Variants in JADE3 observed in about 807,000 individuals in gnomAD.
JADE3 encodes protein Jade-3.
Under a neutral mutation model 50.1 loss-of-function variants are expected in JADE3, and 2 were observed. That is an observed-to-expected ratio of 0.04 (90% confidence interval 0.02 to 0.13). JADE3 has a LOEUF of 0.13. JADE3 is among the 10% of genes least tolerant of loss of function. The pLI, the probability that JADE3 is intolerant of heterozygous loss-of-function variation, is 1.00. For missense variants in JADE3, 475 were observed against 634.4 expected, an observed-to-expected ratio of 0.75 and a Z score of 2.70; for synonymous variants, 218 against 232.9, an observed-to-expected ratio of 0.94 and a Z score of 0.58.
chrX:47,023,028 A>T (rs1014783464), intron 4 of JADE3, among the ~76,000 whole-genome samples: 1 of 111,552 alleles, frequency 9.0e-6, no homozygotes, highest in African/African-American at 3.3e-5. Flanking sequence ...GACGTTATTG[A>T]GCATCTATTT....
At chrX:46,977,162 C>A (rs1453339888) in intron 1 of JADE3, among the ~76,000 whole-genome samples, 1 of 111,695 alleles carries the variant, frequency 9.0e-6, no homozygotes, top group Non-Finnish European at 1.9e-5. Flanking sequence ...GAGTTGGAGA[C>A]CAGCCTGGCC....
At position 46,997,552 on chromosome X, in the gene JADE3, A is replaced by G. The variant is rs73480256; in HGVS notation, c.127-568A>G. 6.6e-3 allele frequency among the ~76,000 whole-genome samples: 734 copies of G among 111,587 alleles called. 9 individuals are homozygous for G. Among genetic ancestry groups the G allele is most frequent in the African/African-American group, 0.022 (670 of 30,704 alleles). On this transcript the variant is annotated intron_variant, in intron 3 of 10. Coordinates refer to ENST00000614628, the MANE Select transcript of JADE3 (RefSeq NM_014735.5). ...AAATTAAATTCTGGAACAGAAAGAC[A>G]TTAGGGAGAAAAATAGTGAAAATTT...
At chrX:47,017,243 A>G (rs1408656061) in intron 4 of JADE3, among the ~76,000 whole-genome samples, 3 of 111,819 alleles carry the variant, frequency 2.7e-5, no homozygotes, top group African/African-American at 9.8e-5. Context: ...TGTAAGTTAT[A>G]GCTGCTTAGG....
rs900194811 is a variant in JADE3, at chrX:47,032,860, A to G, written c.688-761A>G. On this transcript the variant is annotated intron_variant, in intron 6 of 10. Coordinates refer to ENST00000614628, the MANE Select transcript of JADE3 (RefSeq NM_014735.5). ...GGCAGACAGAAATTTTGAAGCTGCC[A>G]TATTGAATCAGTTAGTCTCTAATAG... 4.5e-5 allele frequency among the ~76,000 whole-genome samples: 5 copies of G among 111,582 alleles called. No homozygotes were observed. In the East Asian group the frequency reaches 1.4e-3, roughly 31 times the overall value.
intron 1 of JADE3, among the ~76,000 whole-genome samples, chrX:46,933,668 C>T (rs1264594139): frequency 1.8e-5 from 2 of 111,127 alleles, no homozygotes; most frequent in Non-Finnish European, 1.9e-5. Flanking sequence ...TTTTAAAATA[C>T]CAGGGAGGAT....
chrX:47,006,707 T>G (rs1284597335), intron 4 of JADE3, among the ~76,000 whole-genome samples: 1 of 110,384 alleles, frequency 9.1e-6, no homozygotes, highest in Non-Finnish European at 1.9e-5. Context: ...TGTTGAGAAC[T>G]TAATTTATTG....
chrX:47,024,123 T>C (rs1477608339), intron 4 of JADE3, among the ~76,000 whole-genome samples: 3 of 112,079 alleles, frequency 2.7e-5, no homozygotes, highest in Admixed American at 9.4e-5. Flanking sequence ...CCTCCCAGGT[T>C]GGTTTCCTCT....
Position 47,054,212 on chromosome X carries a change from G to A in JADE3, c.1027G>A (p.Gly343Ser), listed in dbSNP as rs1556372844. 8.3e-6 allele frequency: 10 copies of A among 1,207,293 alleles called. No individual in the cohort carries two copies. The highest frequency in any genetic ancestry group is 1.8e-5 in the African/African-American group (1 of 56,545). Reference sequence around the variant, plus strand: ...CCACGTCACCTGTGCCTTTGAGCACGGCCTAGAGATGAAGACCATCCTAGA... The same window carrying A: ...CCACGTCACCTGTGCCTTTGAGCACAGCCTAGAGATGAAGACCATCCTAGA... ...AFHVTCAFEH[G>S]LEMKTILDEG... is the part of the protein sequence containing the mutation. Residue 343 changes from glycine (G) to serine (S), a missense_variant, in exon 9 of 11, where the codon GGC (glycine) becomes AGC (serine). Coordinates refer to ENST00000614628, the MANE Select transcript of JADE3 (RefSeq NM_014735.5).
intron 4 of JADE3, among the ~76,000 whole-genome samples, chrX:47,020,627 T>C (rs1556364172): frequency 4.4e-5 from 5 of 112,369 alleles, no homozygotes; most frequent in Non-Finnish European, 7.5e-5. Context: ...TTTATTGTCA[T>C]GGTCTTGGTC....
chrX:46,945,372 AAT>A (rs1476341506), intron 1 of JADE3, among the ~76,000 whole-genome samples: 16 of 110,983 alleles, frequency 1.4e-4, no homozygotes, highest in African/African-American at 5.2e-4. Context: ...TATAGCACCT[AAT>A]GTCCCTTCTC....
intron 1 of JADE3, among the ~76,000 whole-genome samples, chrX:46,947,065 G>T (rs1257527547): frequency 9.0e-6 from 1 of 111,255 alleles, no homozygotes; most frequent in Non-Finnish European, 1.9e-5. Context: ...TGTCACCCAG[G>T]CTGGAGTGCA....
chrX:46,971,794 TAA>T (rs782105404), intron 1 of JADE3, among the ~76,000 whole-genome samples: 20 of 85,446 alleles, frequency 2.3e-4, no homozygotes, highest in Admixed American at 3.9e-4. Flanking sequence ...AGACTCCGTC[TAA>T]AAAAAAAAAA....
intron 1 of JADE3, among the ~76,000 whole-genome samples, chrX:46,917,884 T>TCA (rs1926139801): frequency 1.1e-5 from 1 of 88,531 alleles, no homozygotes; most frequent in South Asian, 5.9e-4. Flanking sequence ...TCTCTCTCTC[T>TCA]CATCCTCTCT....
rs375735683 is a variant in JADE3 at position 46,988,286 on chromosome X, C to T, written c.126+2494C>T. On this transcript the variant is annotated intron_variant, in intron 3 of 10. Coordinates refer to ENST00000614628, the MANE Select transcript of JADE3 (RefSeq NM_014735.5). Reference sequence around the variant, plus strand: ...GTCGGGGAAGTAATATACTCTTGTTCTATTCCTCCAGTAACACTATAAAGT... The same window carrying T: ...GTCGGGGAAGTAATATACTCTTGTTTTATTCCTCCAGTAACACTATAAAGT... Among the ~76,000 whole-genome samples the T allele has an allele frequency of 2.0e-4, 22 of 110,863 alleles. 1 individual carries two copies. The highest frequency in any genetic ancestry group is 6.6e-4 in the African/African-American group (20 of 30,432).
At chrX:47,046,961 A>G (rs1929391924) in intron 8 of JADE3, among the ~76,000 whole-genome samples, 1 of 112,078 alleles carries the variant, frequency 8.9e-6, no homozygotes, top group South Asian at 3.7e-4. Context: ...ATTGAATAAC[A>G]TAGAGTGGCT....
In JADE3 at chrX:47,002,130, AT is replaced by A. The variant is rs781854065; in HGVS notation, c.284+3863del. ...GATTTTGATGAAGTTCAATTTATTG[AT>A]TTTTTTTTTCTTCTGGATCATGCTT... On this transcript the variant is annotated intron_variant, in intron 4 of 10. Transcript: ENST00000614628. 9.3e-3 allele frequency among the ~76,000 whole-genome samples: 1,006 copies of A among 107,788 alleles called. 11 individuals carry two copies. The highest frequency in any genetic ancestry group is 0.032 in the African/African-American group (947 of 29,772). The allele number at this position is 107,788 out of a possible 115,157, so 93.6% of individuals were successfully genotyped here.
intron 1 of JADE3, among the ~76,000 whole-genome samples, chrX:46,944,288 A>C (rs781852425): frequency 2.4e-5 from 2 of 84,899 alleles, no homozygotes; most frequent in South Asian, 1.4e-3. Flanking sequence ...AGATCATTGA[A>C]TTGAGATCTT....
At chrX:46,944,528 G>A (rs1210929947) in intron 1 of JADE3, among the ~76,000 whole-genome samples, 1 of 110,235 alleles carries the variant, frequency 9.1e-6, no homozygotes, top group Non-Finnish European at 1.9e-5. Context: ...GGCTGATCTC[G>A]AACTCCTGAC....
intron 1 of JADE3, among the ~76,000 whole-genome samples, chrX:46,968,217 C>T (rs1927407447): frequency 8.9e-6 from 1 of 111,980 alleles, no homozygotes; most frequent in Non-Finnish European, 1.9e-5. Context: ...CTCTTTTTAT[C>T]ATATACTTGC....
Sources: gnomAD v4.1 joint callset for allele counts (sites outside exome capture counted in the v4.1 genomes callset) on GRCh38, gnomAD v4.1.1 for gene constraint, MANE v1.5 for transcripts, NCBI Gene and HGNC (gene_info 2026-07-23, HGNC 2026-07-21) for gene names.